Variants in MCF2L observed in about 807,000 individuals in gnomAD.
MCF2L encodes the protein guanine nucleotide exchange factor DBS.
Under a neutral mutation model 153.4 loss-of-function variants are expected in MCF2L, and 97 were observed. The observed-to-expected ratio is 0.63, with a 90% confidence interval of 0.54 to 0.75. The LOEUF is 0.75. Ranked by LOEUF, MCF2L falls within the 30% of genes least tolerant of loss-of-function variation. The probability of loss-of-function intolerance (pLI) is 0.00; values close to 1 mark genes in which losing one functional copy is unlikely to be tolerated. For missense variants in MCF2L, 1,347 were observed against 1,495.2 expected, an observed-to-expected ratio of 0.90 and a Z score of 1.64; for synonymous variants, 659 against 632.2, an observed-to-expected ratio of 1.04 and a Z score of -0.64.
chr13:112,995,200 G>A (rs972861546), intron 1 of MCF2L, among the ~76,000 whole-genome samples: 3 of 152,226 alleles, frequency 2.0e-5, no homozygotes, highest in Non-Finnish European at 2.9e-5. Flanking sequence ...ACTCGCTCAC[G>A]GAGGCTCAGG....
At position 112,951,307 on chromosome 13, in the gene MCF2L, A is replaced by G. The variant is rs1308899765; in HGVS notation, c.169+48936A>G. Among the ~76,000 whole-genome samples, 1 of 152,242 alleles carries G rather than the reference A, an allele frequency of 6.6e-6. No individual in the cohort carries two copies. Among genetic ancestry groups the G allele is most frequent in the Non-Finnish European group, 1.5e-5 (1 of 68,042 alleles). On this transcript the variant is annotated intron_variant, in intron 2 of 29. Coordinates refer to the MCF2L transcript ENST00000375608. This position sits in a 1 kb window ranked among gnomAD's most constrained non-coding sequence, Gnocchi z 4.8. Reference sequence around the variant, plus strand: ...AAAACAATTTAGCAGTTTCTTTTAAAACAAAATATGCAACTCTCATATGAC... The same window carrying G: ...AAAACAATTTAGCAGTTTCTTTTAAGACAAAATATGCAACTCTCATATGAC...
Position 112,910,792 on chromosome 13 carries a change from T to C in MCF2L, c.169+8421T>C, listed in dbSNP as rs551428453. On this transcript the variant is annotated intron_variant, in intron 2 of 29. Transcript: ENST00000375608. ...CGCTGACGCTAGTGGAGAGCTCTTC[T>C]CGCCTTCACCTTCCTGGTGGCTGTC... Among the ~76,000 whole-genome samples the C allele has an allele frequency of 1.0e-4, 16 of 152,384 alleles. No individual in the cohort carries two copies. The East Asian group carries it at 2.7e-3, about 26-fold the overall frequency.
At chr13:112,934,211 A>C (rs1426121459) in intron 2 of MCF2L, among the ~76,000 whole-genome samples, 1 of 152,192 alleles carries the variant, frequency 6.6e-6, no homozygotes, top group Non-Finnish European at 1.5e-5. Context: ...TGTGACTGTC[A>C]CCATATGCAG....
intron 2 of MCF2L, among the ~76,000 whole-genome samples, chr13:112,955,268 G>A (rs958749059): frequency 9.8e-5 from 14 of 143,146 alleles, no homozygotes; most frequent in South Asian, 6.6e-4. Context: ...AGGATGAGTG[G>A]AGCCCAGCCC....
chr13:112,971,128 A>T (rs2082025322), intron 1 of MCF2L, among the ~76,000 whole-genome samples: 1 of 152,178 alleles, frequency 6.6e-6, no homozygotes, highest in South Asian at 2.1e-4. Context: ...GAGGCAAGTT[A>T]TTAGGTTGAA....
In MCF2L at chr13:113,005,478, G is replaced by A. The variant is rs115154911; in HGVS notation, c.80-9285G>A. ...TGACTGTGGTCTGTTTGTGGTGGCC[G>A]TGGCGTGTTTGTTGTGGCCATGGTT... On this transcript the variant is annotated intron_variant, in intron 1 of 29. Transcript: ENST00000535094. Among the ~76,000 whole-genome samples, 1,013 of 152,244 alleles carry A rather than the reference G, an allele frequency of 6.7e-3. 14 individuals are homozygous for A. The highest frequency in any genetic ancestry group is 0.023 in the African/African-American group (954 of 41,528).
chr13:113,027,447 C>T lies in MCF2L; in HGVS notation c.278+2689C>T, dbSNP rs578217454. On this transcript the variant is annotated intron_variant, in intron 3 of 29. Transcript: ENST00000535094. This position sits in a 1 kb window ranked among gnomAD's most constrained non-coding sequence, Gnocchi z 4.8. ...GTCTTGGTGGGCAGAAAGAAGGGGG[C>T]TCGTGACTGACTATGGTCAAAGCCC... Among the ~76,000 whole-genome samples, 1 of 152,276 alleles carries T rather than the reference C, an allele frequency of 6.6e-6. No individual in the cohort carries two copies. The highest frequency in any genetic ancestry group is 2.1e-4 in the South Asian group (1 of 4,816).
chr13:113,011,910 T>C (rs9549340), intron 1 of MCF2L, among the ~76,000 whole-genome samples: 19 of 77,630 alleles, frequency 2.4e-4, no homozygotes, highest in East Asian at 1.7e-3. Context: ...CGGTGGACAC[T>C]GTGATGCGGA....
At chr13:113,003,345 C>T (rs535485254) in intron 1 of MCF2L, among the ~76,000 whole-genome samples, 66 of 149,162 alleles carry the variant, frequency 4.4e-4, no homozygotes, top group African/African-American at 1.3e-3. Context: ...TGTGGAGTAC[C>T]GTGGAAGGCT....
At chr13:113,001,824 ATGGTGC>A in intron 1 of MCF2L, 1 of 1,467,654 alleles carries the variant, frequency 6.8e-7, no homozygotes, top group Non-Finnish European at 9.0e-7. Context: ...CGCGGCCAAG[ATGGTGC>A]TGGTGCTGCG....
At chr13:112,955,759 ACCGAGGG>A (rs1450791323) in intron 2 of MCF2L, among the ~76,000 whole-genome samples, 1 of 152,188 alleles carries the variant, frequency 6.6e-6, no homozygotes, top group Non-Finnish European at 1.5e-5. Flanking sequence ...GGAAGCTAAG[ACCGAGGG>A]CTTGTCTGCT....
In MCF2L at chr13:113,066,116, G is replaced by C; in HGVS notation, c.827G>C (p.Gly276Ala). 2 of 1,613,280 alleles carry C rather than the reference G, an allele frequency of 1.2e-6. No homozygotes were observed. The highest frequency in any genetic ancestry group is 2.2e-5 in the South Asian group (2 of 91,078). The part of the protein sequence containing the change: ...LESLRELQAE[G>A]SEPSVNQDQL... Reference sequence around the variant, plus strand: ...AGCCTCAGGGAGCTGCAGGCTGAGGGCTCAGAGCCCAGTGTGAACCAGGAC... The same window carrying C: ...AGCCTCAGGGAGCTGCAGGCTGAGGCCTCAGAGCCCAGTGTGAACCAGGAC... Residue 276 changes from glycine to alanine, a missense_variant, in exon 8 of 30, where the codon GGC (glycine) becomes GCC (alanine). Physicochemically the swap from Gly to Ala is moderately conservative, Grantham distance 60. Transcript: ENST00000535094.
chr13:112,927,381 C>T (rs181501843), intron 2 of MCF2L, among the ~76,000 whole-genome samples: 7 of 152,240 alleles, frequency 4.6e-5, no homozygotes, highest in African/African-American at 1.7e-4. Context: ...GGTTTCTAGA[C>T]CTGTCCATGG....
intron 1 of MCF2L, among the ~76,000 whole-genome samples, chr13:112,995,684 G>A (rs991811226): frequency 6.6e-6 from 1 of 152,154 alleles, no homozygotes; most frequent in Non-Finnish European, 1.5e-5. Context: ...TGGAGGTGGC[G>A]GGCTGCTGGC....
At chr13:112,985,276 A>G (rs1327677208) in intron 1 of MCF2L, 1 of 400,950 alleles carries the variant, frequency 2.5e-6, no homozygotes, top group African/African-American at 2.0e-5. Context: ...CTGGTCCCTC[A>G]TGCAGATTTT....
chr13:112,961,157 C>T (rs369575954), intron 2 of MCF2L, among the ~76,000 whole-genome samples: 8 of 152,210 alleles, frequency 5.3e-5, no homozygotes, highest in Non-Finnish European at 7.3e-5. Context: ...TGTGAGCACA[C>T]GGCAGAGCCC....
At chr13:112,978,672 T>A (rs2082295685) in intron 1 of MCF2L, among the ~76,000 whole-genome samples, 2 of 152,208 alleles carry the variant, frequency 1.3e-5, no homozygotes, top group Admixed American at 6.5e-5. Flanking sequence ...GTTGAATAAA[T>A]GCCTTCTTTT....
At chr13:112,948,512 C>A (rs2081659805) in intron 2 of MCF2L, among the ~76,000 whole-genome samples, 1 of 152,158 alleles carries the variant, frequency 6.6e-6, no homozygotes, top group African/African-American at 2.4e-5. Flanking sequence ...AGGACATGGA[C>A]ACAATTCAGT....
upstream of MCF2L, chr13:112,965,059 G>A (rs1164092883): frequency 5.3e-5 from 8 of 152,210 alleles, no homozygotes; most frequent in African/African-American, 1.4e-4. Flanking sequence ...CTGATTCTGC[G>A]TTTATAGTTT....
Sources: gnomAD v4.1 joint callset for allele counts (sites outside exome capture counted in the v4.1 genomes callset) on GRCh38, gnomAD v4.1.1 for gene constraint, Gnocchi (gnomAD v3.1) non-coding constraint, MANE v1.5 for transcripts, NCBI Gene and HGNC (gene_info 2026-07-23, HGNC 2026-07-21) for gene names.